The following ZBED1 variants were observed in gnomAD, a reference collection of about 807,000 sequenced individuals.
The protein encoded by ZBED1 is zinc finger BED-type containing 1, also known as E3 SUMO-protein ligase ZBED1.
A neutral mutation model predicts 49.7 loss-of-function variants in ZBED1; 19 were observed. The observed-to-expected ratio is 0.38, with a 90% CI of 0.27 to 0.56. The LOEUF (loss-of-function observed/expected upper bound fraction) is 0.56, where lower values mean the gene tolerates loss of function less well. Among genes scored for constraint, ZBED1 ranks in the 20% least tolerant of loss-of-function variants. ZBED1 has a pLI of 0.70. For missense variants in ZBED1, 806 were observed against 972.6 expected, an observed-to-expected ratio of 0.83 and a Z score of 2.28; for synonymous variants, 439 against 440.3, an observed-to-expected ratio of 1.00 and a Z score of 0.04.
At chrX:2,492,997 G>A (rs888580555) in intron 1 of ZBED1, among the ~76,000 whole-genome samples, 5 of 152,236 alleles carry the variant, frequency 3.3e-5, no homozygotes, top group Non-Finnish European at 5.9e-5. Context: ...AACGGTGCCC[G>A]CCCAGTGCTT....
rs371388702 is a variant in ZBED1 at position 2,488,806 on chromosome X, G to A, written c.1914C>T (p.Pro638=). 24 of 1,613,790 alleles carry A rather than the reference G, an allele frequency of 1.5e-5. No individual in the cohort carries two copies. Among genetic ancestry groups the A allele is most frequent in the African/African-American group, 1.1e-4 (8 of 74,914 alleles). The change falls in exon 2 of 2, where the codon CCC becomes CCT. Residue 638 remains proline (P), a synonymous_variant. Coordinates refer to ENST00000652001, the MANE Select transcript of ZBED1 (RefSeq NM_001171136.2). The part of the protein sequence containing the change: ...VVSAKRNRLA[P]AHVDEQVFLY... ...GAAACACCTGCTCGTCCACGTGCGCGGGAGCCAGCCGGTTCCTCTTGGCGC... is the reference window on the plus strand; with the variant it reads ...GAAACACCTGCTCGTCCACGTGCGCAGGAGCCAGCCGGTTCCTCTTGGCGC...
In ZBED1 at chrX:2,489,999, C is replaced by A; in HGVS notation, c.721G>T (p.Glu241Ter). The change falls in exon 2 of 2, where the codon GAG (glutamate) becomes TAG (stop). Residue 241 changes from glutamate to a stop codon, truncating the protein, a stop_gained. Transcript: ENST00000652001. LOFTEE classifies it high-confidence loss of function. ...RCLKTFEVPE[E>*]NTAETITRVL... ...CGCGTGATGGTCTCCGCCGTGTTCT[C>A]TTCGGGCACCTCGAAGGTCTTCAGG... 6.2e-7 allele frequency: 1 copy of A among 1,613,906 alleles called. No homozygotes were observed. Among genetic ancestry groups the A allele is most frequent in the South Asian group, 1.1e-5 (1 of 91,076 alleles).
chrX:2,494,074 T>C (rs902243776), intron 1 of ZBED1, among the ~76,000 whole-genome samples: 11 of 152,166 alleles, frequency 7.2e-5, no homozygotes, highest in Non-Finnish European at 2.9e-5. Context: ...TGTACTCGGT[T>C]ATTATTATCT....
chrX:2,489,142 C>T lies in ZBED1; in HGVS notation c.1578G>A (p.Glu526=). The change falls in exon 2 of 2, where the codon GAG becomes GAA. Residue 526 remains glutamate (E), a synonymous_variant. Coordinates refer to ENST00000652001, the MANE Select transcript of ZBED1 (RefSeq NM_001171136.2). ...TCCGCATGAGCTTCTTGACGGGAGGCTCCTCGGGCACCGGGAAGATCTTGT... is the reference window on the plus strand; with the variant it reads ...TCCGCATGAGCTTCTTGACGGGAGGTTCCTCGGGCACCGGGAAGATCTTGT... The part of the protein sequence containing the change: ...AEDKIFPVPE[E]PPVKKLMRTS... 6.2e-7 allele frequency: 1 copy of T among 1,613,604 alleles called. No individual in the cohort carries two copies. Among genetic ancestry groups the T allele is most frequent in the Non-Finnish European group, 8.5e-7 (1 of 1,179,846 alleles).
At chrX:2,491,610 T>C (rs1220889901) in intron 1 of ZBED1, among the ~76,000 whole-genome samples, 4 of 152,134 alleles carry the variant, frequency 2.6e-5, no homozygotes, top group African/African-American at 9.7e-5. Flanking sequence ...TAAAGCCAGC[T>C]TTCCTATGGC....
At position 2,489,182 on chromosome X, in the gene ZBED1, T is replaced by G; in HGVS notation, c.1538A>C (p.Tyr513Ser). 6.2e-7 allele frequency: 1 copy of G among 1,613,582 alleles called. No homozygotes were observed. Among genetic ancestry groups the G allele is most frequent in the East Asian group, 2.2e-5 (1 of 44,880 alleles). The change falls in exon 2 of 2, where the codon TAC becomes TCC. Residue 513 changes from tyrosine (Y) to serine (S), a missense_variant. Tyr to Ser is a moderately radical substitution (Grantham distance 144). Around this residue, in one of 2 missense-constraint regions of ZBED1, gnomAD observed 749 missense variants for 861.3 expected, o/e 0.87. Transcript: ENST00000652001. ...GLLDKVKDGGYRPAEDKIFPV... is the reference protein window; with the variant it reads ...GLLDKVKDGGSRPAEDKIFPV... The stretch of plus-strand genomic sequence containing the variant: ...GAAGATCTTGTCCTCAGCCGGCCGG[T>G]AGCCGCCGTCTTTGACCTTGTCCAG...
In ZBED1 at chrX:2,489,421, C is replaced by T. The variant is rs772761841; in HGVS notation, c.1299G>A (p.Thr433=). The T allele has an allele frequency of 3.1e-6, 5 of 1,613,902 alleles. No individual in the cohort carries two copies. Among genetic ancestry groups the T allele is most frequent in the Non-Finnish European group, 2.5e-6 (3 of 1,179,868 alleles). ...KPLLHMLLNT[T]LNIKETDSKE... is the part of the protein sequence containing the mutation. ...TGGAGTCGGTCTCCTTGATGTTGAG[C>T]GTGGTGTTCAGGAGCATGTGCAGCA... Residue 433 remains threonine (T), a synonymous_variant, in exon 2 of 2, where the codon ACG becomes ACA. Coordinates refer to ENST00000652001, the MANE Select transcript of ZBED1 (RefSeq NM_001171136.2).
chrX:2,495,125 T>C (rs774385546), intron 1 of ZBED1, among the ~76,000 whole-genome samples: 3 of 150,722 alleles, frequency 2.0e-5, no homozygotes, highest in African/African-American at 7.3e-5. Context: ...CTATCATTAT[T>C]ATCATTATTA....
rs1340414504 is a variant in ZBED1, at chrX:2,493,896, C to T, written c.-53-3124G>A. 5.3e-5 allele frequency among the ~76,000 whole-genome samples: 8 copies of T among 152,006 alleles called. No individual in the cohort carries two copies. In the East Asian group the frequency reaches 7.7e-4, roughly 15 times the overall value. ...CTGAGGCACGAGAATCGTTTGAACC[C>T]GGGAAGCAGAGGTTGCAGTGAGCCG... On this transcript the variant is annotated intron_variant, in intron 1 of 1. Transcript: ENST00000652001.
chrX:2,489,306 C>A lies in ZBED1; in HGVS notation c.1414G>T (p.Ala472Ser), dbSNP rs2045054066. ...TPEIDMFLNV[A>S]TFLDPRYKRL... ...TTGTAGCGGGGGTCCAGGAAGGTGG[C>A]CACGTTGAGAAACATGTCGATCTCG... Residue 472 changes from alanine (A) to serine (S), a missense_variant, in exon 2 of 2, where the codon GCC (alanine) becomes TCC (serine). Physicochemically the swap from Ala to Ser is moderately conservative, Grantham distance 99. Transcript: ENST00000652001. 6.2e-7 allele frequency: 1 copy of A among 1,613,810 alleles called. No individual in the cohort carries two copies. The highest frequency in any genetic ancestry group is 1.1e-5 in the South Asian group (1 of 91,066).
Position 2,496,144 on chromosome X carries a change from G to GT in ZBED1, c.-54+4672dup, listed in dbSNP as rs745519832. Among the ~76,000 whole-genome samples, 21 of 152,318 alleles carry GT rather than the reference G, an allele frequency of 1.4e-4. 1 individual carries two copies. The highest frequency in any genetic ancestry group is 7.8e-4 in the Admixed American group (12 of 15,302). On this transcript the variant is annotated intron_variant, in intron 1 of 1. Coordinates refer to ENST00000652001, the MANE Select transcript of ZBED1 (RefSeq NM_001171136.2). The stretch of plus-strand genomic sequence containing the variant: ...CAGCGTGGTGGCGATAGTTAATAGT[G>GT]TATTACATATTTCAAAATAGCTAAA...
Position 2,489,104 on chromosome X carries a change from G to A in ZBED1, c.1616C>T (p.Pro539Leu), listed in dbSNP as rs748111845. 24 of 1,613,582 alleles carry A rather than the reference G, an allele frequency of 1.5e-5. 2 individuals carry two copies. The highest frequency in any genetic ancestry group is 4.4e-5 in the South Asian group (4 of 91,064). The change falls in exon 2 of 2, where the codon CCG becomes CTG. Residue 539 changes from proline to leucine, a missense_variant. Coordinates refer to ENST00000652001, the MANE Select transcript of ZBED1 (RefSeq NM_001171136.2). ...CATGTTGTTGATGACGCTGGCGGGC[G>A]GCGGCGTGGATGTCCGCATGAGCTT... ...VKKLMRTSTP[P>L]PASVINNMLA...
rs376856091 is a variant in ZBED1, at chrX:2,490,003, G to T, written c.717C>A (p.Pro239=). ...GSRCLKTFEV[P]EENTAETITR... The stretch of plus-strand genomic sequence containing the variant: ...TGATGGTCTCCGCCGTGTTCTCTTC[G>T]GGCACCTCGAAGGTCTTCAGGCAGC... The change falls in exon 2 of 2, where the codon CCC becomes CCA. Residue 239 remains proline (P), a synonymous_variant. Coordinates refer to ENST00000652001, the MANE Select transcript of ZBED1 (RefSeq NM_001171136.2). 6.2e-7 allele frequency: 1 copy of T among 1,613,866 alleles called. No homozygotes were observed. Among genetic ancestry groups the T allele is most frequent in the Admixed American group, 1.7e-5 (1 of 60,022 alleles).
At chrX:2,498,561 A>ACGTGACTTCACCAGAAGCT (rs1287633255) in intron 1 of ZBED1, among the ~76,000 whole-genome samples, 1 of 151,024 alleles carries the variant, frequency 6.6e-6, no homozygotes, top group Non-Finnish European at 1.5e-5. Context: ...CTTGGCAGAC[A>ACGTGACTTCACCAGAAGCT]CGTGACTTCA....
At chrX:2,496,184 T>C (rs1416832891) in intron 1 of ZBED1, among the ~76,000 whole-genome samples, 1 of 151,754 alleles carries the variant, frequency 6.6e-6, no homozygotes, top group East Asian at 1.9e-4. Context: ...GTTTTTATTT[T>C]TGTTTTTGTT....
At position 2,488,708 on chromosome X, in the gene ZBED1, T is replaced by C. The variant is rs759023776; in HGVS notation, c.2012A>G (p.Gln671Arg). 5.6e-6 allele frequency: 9 copies of C among 1,613,898 alleles called. No individual in the cohort carries two copies. The highest frequency in any genetic ancestry group is 1.7e-4 in the Middle Eastern group (1 of 6,000). Residue 671 changes from glutamine to arginine, a missense_variant, in exon 2 of 2, where the codon CAG (glutamine) becomes CGG (arginine). Gln to Arg is a conservative substitution (Grantham distance 43, BLOSUM62 1). Around this residue, in one of 2 missense-constraint regions of ZBED1, gnomAD observed 749 missense variants for 861.3 expected, o/e 0.87. Transcript: ENST00000652001. Reference sequence around the variant, plus strand: ...ATCCCCCAAGGAGAACACCTGCTCCTGGTCCAGGCCCCACTCCCCCTCGTC... The same window carrying C: ...ATCCCCCAAGGAGAACACCTGCTCCCGGTCCAGGCCCCACTCCCCCTCGTC... ...DQDEGEWGLD[Q>R]EQVFSLGDGV...
Position 2,488,797 on chromosome X carries a change from C to T in ZBED1, c.1923G>A (p.Val641=). ...AKRNRLAPAH[V]DEQVFLYENA... is the part of the protein sequence containing the mutation. ...TCTCATACAGAAACACCTGCTCGTC[C>T]ACGTGCGCGGGAGCCAGCCGGTTCC... Residue 641 remains valine, a synonymous_variant, in exon 2 of 2, where the codon GTG becomes GTA. Coordinates refer to ENST00000652001, the MANE Select transcript of ZBED1 (RefSeq NM_001171136.2). The T allele has an allele frequency of 1.2e-6, 2 of 1,613,916 alleles. No homozygotes were observed. Among genetic ancestry groups the T allele is most frequent in the Non-Finnish European group, 1.7e-6 (2 of 1,179,872 alleles).
At chrX:2,492,778 G>A (rs1247877580) in intron 1 of ZBED1, among the ~76,000 whole-genome samples, 1 of 152,202 alleles carries the variant, frequency 6.6e-6, no homozygotes, top group South Asian at 2.1e-4. Flanking sequence ...AGCCTCCGGA[G>A]GGAGCGCAGC....
chrX:2,490,427 T>G lies in ZBED1; in HGVS notation c.293A>C (p.Lys98Thr), dbSNP rs1399662263. 1.2e-6 allele frequency: 2 copies of G among 1,613,818 alleles called. No individual in the cohort carries two copies. The highest frequency in any genetic ancestry group is 1.7e-6 in the Non-Finnish European group (2 of 1,179,858). ...CCCGGGCTGCTGGGACGACTCGGGC[T>G]TCAGCTTGGAGAAGGCGGTGGCGAA... is the stretch of plus-strand genomic sequence containing the variant. ...EAFATAFSKL[K>T]PESSQQPGQD... is the part of the protein sequence containing the mutation. Residue 98 changes from lysine (K) to threonine (T), a missense_variant, in exon 2 of 2, where the codon AAG (lysine) becomes ACG (threonine). By Grantham distance (78) the Lys-to-Thr change is moderately conservative. Around this residue, in one of 2 missense-constraint regions of ZBED1, gnomAD observed 749 missense variants for 861.3 expected, o/e 0.87. Coordinates refer to ENST00000652001, the MANE Select transcript of ZBED1 (RefSeq NM_001171136.2).
Sources: gnomAD v4.1 joint callset for allele counts (sites outside exome capture counted in the v4.1 genomes callset) on GRCh38, gnomAD v4.1.1 for gene constraint, gnomAD v4.1.1 regional missense constraint, MANE v1.5 for transcripts, NCBI Gene and HGNC (gene_info 2026-07-23, HGNC 2026-07-21) for gene names.